The following DMTF1 variants were observed in gnomAD, a reference collection of about 807,000 sequenced individuals.
DMTF1 encodes cyclin D binding myb like transcription factor 1, also known as cyclin-D-binding Myb-like transcription factor 1.
DMTF1 carries 39 observed loss-of-function variants against 91.1 expected under a neutral mutation model. The ratio of observed to expected loss-of-function variants is 0.43; its 90% CI spans 0.33 to 0.56. The LOEUF is 0.56. Among genes scored for constraint, DMTF1 ranks in the 20% least tolerant of loss-of-function variants. The probability of loss-of-function intolerance (pLI) is 0.05; values close to 1 mark genes in which losing one functional copy is unlikely to be tolerated. For synonymous variants in DMTF1, 338 were observed against 309.5 expected, an observed-to-expected ratio of 1.09 and a Z score of -0.97; for missense variants, 750 against 914.5, an observed-to-expected ratio of 0.82 and a Z score of 2.32.
intron 1 of DMTF1, chr7:87,163,114 T>G (rs747098504): frequency 1.3e-5 from 2 of 152,088 alleles, no homozygotes; most frequent in East Asian, 3.8e-4. Context: ...AGGAAAACTA[T>G]AGTTACTAAT....
chr7:87,159,574 G>A (rs1791696632), intron 1 of DMTF1, among the ~76,000 whole-genome samples: 2 of 152,138 alleles, frequency 1.3e-5, no homozygotes, highest in African/African-American at 4.8e-5. Context: ...ATGCAAAAAT[G>A]CCACTTCAGT....
intron 4 of DMTF1, among the ~76,000 whole-genome samples, chr7:87,170,055 T>C (rs1275281785): frequency 6.6e-6 from 1 of 152,216 alleles, no homozygotes; most frequent in East Asian, 1.9e-4. Context: ...AATCCTTACA[T>C]TTGCTTCTTT....
chr7:87,154,705 A>G (rs1424105926), intron 1 of DMTF1, among the ~76,000 whole-genome samples: 1 of 152,198 alleles, frequency 6.6e-6, no homozygotes, highest in Non-Finnish European at 1.5e-5. Context: ...TGGTTGGGAA[A>G]TGTTTACTGG....
chr7:87,168,659 C>A (rs1295702726), intron 4 of DMTF1, among the ~76,000 whole-genome samples: 2 of 152,172 alleles, frequency 1.3e-5, no homozygotes, highest in Non-Finnish European at 2.9e-5. Context: ...CTAAATCTGT[C>A]TTTGTCTGTT....
intron 9 of DMTF1, among the ~76,000 whole-genome samples, chr7:87,181,586 C>G (rs1298017543): frequency 6.6e-6 from 1 of 152,068 alleles, no homozygotes; most frequent in African/African-American, 2.4e-5. Flanking sequence ...AATAGGGGTT[C>G]CAGAAAAGAT....
intron 1 of DMTF1, among the ~76,000 whole-genome samples, chr7:87,155,809 A>G (rs531182368): frequency 2.1e-5 from 3 of 143,208 alleles, no homozygotes; most frequent in Admixed American, 7.7e-5. Flanking sequence ...ATAAGTTGTC[A>G]GAGAAAAGCA....
intron 1 of DMTF1, among the ~76,000 whole-genome samples, chr7:87,161,058 TATTA>T (rs1334899794): frequency 6.6e-6 from 1 of 152,082 alleles, no homozygotes; most frequent in Non-Finnish European, 1.5e-5. Flanking sequence ...TTAATACTAA[TATTA>T]ATAAAAATAA....
chr7:87,154,658 A>C (rs1024151367), intron 1 of DMTF1: 2 of 152,486 alleles, frequency 1.3e-5, no homozygotes, highest in African/African-American at 4.8e-5. Flanking sequence ...GAAGAAATCA[A>C]AGTTTGGGCG....
intron 14 of DMTF1, 191 bp from the exon 15 acceptor site, chr7:87,193,006 CA>C: frequency 1.7e-6 from 1 of 584,706 alleles, no homozygotes; most frequent in Non-Finnish European, 3.0e-6. Flanking sequence ...TAGAAATACA[CA>C]GGAGCAAAGA....
intron 1 of DMTF1, among the ~76,000 whole-genome samples, chr7:87,156,225 C>A (rs1249482471): frequency 6.6e-6 from 1 of 152,054 alleles, no homozygotes; most frequent in Non-Finnish European, 1.5e-5. Flanking sequence ...TTTGAATAAG[C>A]AATATAGTTT....
At chr7:87,170,879 T>G in intron 4 of DMTF1, 116 bp from the exon 5 acceptor site, 1 of 687,500 alleles carries the variant, frequency 1.5e-6, no homozygotes, top group Non-Finnish European at 2.6e-6. Context: ...TGAAGATGTA[T>G]TAACAAGGAG....
intron 1 of DMTF1, chr7:87,162,808 CAT>C (rs918720721): frequency 1.1e-4 from 13 of 117,836 alleles, no homozygotes; most frequent in East Asian, 4.4e-4. Flanking sequence ...AACCTCAAAT[CAT>C]GTGCTTTTTT....
intron 7 of DMTF1, among the ~76,000 whole-genome samples, chr7:87,178,267 A>G (rs972407180): frequency 1.3e-5 from 2 of 152,092 alleles, no homozygotes; most frequent in African/African-American, 4.8e-5. Context: ...TAGAAACGCA[A>G]ATAACTGCAT....
At position 87,190,963 on chromosome 7, in the gene DMTF1, C is replaced by T. The variant is rs1162897498; in HGVS notation, c.1430C>T (p.Ala477Val). The change falls in exon 14 of 18, where the codon GCT becomes GTT. Residue 477 changes from alanine to valine, a missense_variant. Physicochemically the swap from Ala to Val is moderately conservative, Grantham distance 64 (BLOSUM62 0). Coordinates refer to ENST00000331242, the MANE Select transcript of DMTF1 (RefSeq NM_001142327.2). ...ITHVSSADSPATVDSETITLN... is the reference protein window; with the variant it reads ...ITHVSSADSPVTVDSETITLN... Reference sequence around the variant, plus strand: ...ACCACAGCTTCAGCAGACTCTCCTGCTACCGTTGACTCAGAAACAATAACA... The same window carrying T: ...ACCACAGCTTCAGCAGACTCTCCTGTTACCGTTGACTCAGAAACAATAACA... 1.2e-6 allele frequency: 2 copies of T among 1,610,354 alleles called. No homozygotes were observed. Among genetic ancestry groups the T allele is most frequent in the African/African-American group, 1.3e-5 (1 of 74,712 alleles).
chr7:87,178,063 C>T (rs1796604828), intron 7 of DMTF1, among the ~76,000 whole-genome samples: 1 of 152,070 alleles, frequency 6.6e-6, no homozygotes, highest in African/African-American at 2.4e-5. Context: ...TGTACATCAA[C>T]TTGGGGGGAA....
At chr7:87,164,054 T>TAA (rs61634018) in intron 2 of DMTF1, among the ~76,000 whole-genome samples, 11 of 73,472 alleles carry the variant, frequency 1.5e-4, no homozygotes, top group East Asian at 8.2e-4. Flanking sequence ...ACGCCTTCTC[T>TAA]AAAAAAAAAA....
chr7:87,184,373 G>T, intron 10 of DMTF1, 24 bp from the exon 11 acceptor site: 1 of 1,604,878 alleles, frequency 6.2e-7, no homozygotes, highest in Non-Finnish European at 8.5e-7. Context: ...AGCAGTGGTA[G>T]TCTGGATGAT....
At chr7:87,193,425 G>A in intron 15 of DMTF1, 72 bp downstream of exon 15, 2 of 1,488,926 alleles carry the variant, frequency 1.3e-6, no homozygotes, top group Non-Finnish European at 1.9e-6. Flanking sequence ...GACCAAAATA[G>A]AAGGTAGTTA....
intron 8 of DMTF1, among the ~76,000 whole-genome samples, chr7:87,181,041 G>A (rs1241765295): frequency 6.6e-6 from 1 of 151,780 alleles, no homozygotes; most frequent in Non-Finnish European, 1.5e-5. Flanking sequence ...GTAGAGATGG[G>A]GTTTTGCCAT....
Sources: allele counts gnomAD v4.1 joint callset (sites outside exome capture counted in the v4.1 genomes callset), GRCh38; gene constraint gnomAD v4.1.1; transcripts MANE v1.5; gene names NCBI Gene and HGNC (gene_info 2026-07-23, HGNC 2026-07-21).